Variants in HDAC4 observed in about 807,000 individuals in gnomAD.
HDAC4 encodes histone deacetylase 4.
HDAC4 carries 16 observed loss-of-function variants against 135.1 expected under a neutral mutation model. That is an observed-to-expected ratio of 0.12 (90% CI 0.08 to 0.18). The LOEUF (loss-of-function observed/expected upper bound fraction) is 0.18, where lower values mean the gene tolerates loss of function less well. HDAC4 is among the 10% of genes least tolerant of loss of function. The probability of loss-of-function intolerance (pLI) is 1.00; values close to 1 mark genes in which losing one functional copy is unlikely to be tolerated. For missense variants in HDAC4, 1,143 were observed against 1,511.8 expected (o/e 0.76, Z 4.05); for synonymous variants, 685 against 653.4 (o/e 1.05, Z -0.74).
intron 4 of HDAC4, among the ~76,000 whole-genome samples, chr2:239,182,734 C>G (rs1362031288): frequency 2.6e-5 from 4 of 152,216 alleles, no homozygotes; most frequent in African/African-American, 4.8e-5. Context: ...GCTGAGACGT[C>G]AGGCCTGTTT....
At chr2:239,252,687 C>T (rs1439937331) in intron 2 of HDAC4, among the ~76,000 whole-genome samples, 1 of 152,188 alleles carries the variant, frequency 6.6e-6, no homozygotes, top group East Asian at 1.9e-4. Flanking sequence ...AAACACTGCA[C>T]CAAACCAGAG....
intron 3 of HDAC4, among the ~76,000 whole-genome samples, chr2:239,215,038 A>G (rs1245118458): frequency 6.6e-6 from 1 of 152,222 alleles, no homozygotes; most frequent in African/African-American, 2.4e-5. Context: ...GGCAGGTGAG[A>G]TCCAGGCGGG....
rs563756835 is a variant in HDAC4, at chr2:239,346,056, AC to A, written c.22+6621del. On this transcript the variant is annotated intron_variant, in intron 2 of 26. Transcript: ENST00000543185. ...CATACACACCGTCTGAAACACACAC[AC>A]CCCCATCTCACACATGCACTCACCC... Among the ~76,000 whole-genome samples the A allele has an allele frequency of 4.0e-3, 455 of 114,790 alleles. 5 individuals carry two copies. The highest frequency in any genetic ancestry group is 0.015 in the African/African-American group (425 of 28,042). 75.3% of individuals were successfully genotyped at this position (114,790 alleles called of 152,430 possible). A position where few individuals can be genotyped will look rare whatever the true frequency, so the allele number is the denominator to read the frequency against.
chr2:239,053,586 C>T lies in HDAC4; in HGVS notation c.3104G>A (p.Cys1035Tyr), dbSNP rs1449445596. Residue 1035 changes from cysteine to tyrosine, a missense_variant, in exon 26 of 27, where the codon TGC becomes TAC. Physicochemically the swap from Cys to Tyr is radical, Grantham distance 194. This residue lies in a region of HDAC4 where 131 missense variants were observed against 130.6 expected (regional missense o/e 1.00). Transcript: ENST00000543185. ...VMEIHSKYWR[C>Y]LQRTTSTAGR... ...CGCTGTGGAGGTTGTGCGCTGCAGG[C>T]AGCGCCAGTACTTGCCTGGGGTGGT... is the stretch of plus-strand genomic sequence containing the variant. 6.2e-7 allele frequency: 1 copy of T among 1,613,798 alleles called. No homozygotes were observed. The highest frequency in any genetic ancestry group is 1.1e-5 in the South Asian group (1 of 91,068).
In HDAC4 at chr2:239,156,575, T is replaced by C. The variant is rs532544415; in HGVS notation, c.733+77A>G. The C allele has an allele frequency of 3.7e-5, 59 of 1,578,090 alleles. No individual in the cohort carries two copies. The South Asian group carries it at 4.0e-4, about 11-fold the overall frequency. On this transcript the variant is annotated intron_variant, in intron 7 of 26. Transcript: ENST00000543185. ...TCCTTCTCTAAGTGGAAGACAGCGG[T>C]GGGCCCTGCGTGGCTTGTGGCGTGG...
chr2:239,249,887 A>C (rs1461864271), intron 2 of HDAC4, among the ~76,000 whole-genome samples: 1 of 152,186 alleles, frequency 6.6e-6, no homozygotes, highest in Non-Finnish European at 1.5e-5. Flanking sequence ...AGACTCGTTT[A>C]ATGTGTCAGC....
chr2:239,108,511 G>A (rs921269062), intron 14 of HDAC4, among the ~76,000 whole-genome samples: 92 of 152,170 alleles, frequency 6.0e-4, no homozygotes, highest in Non-Finnish European at 7.4e-5. Flanking sequence ...GTCTGCCCTG[G>A]GTGGCTGGAC....
At chr2:239,336,097 A>G (rs1691914709) in intron 2 of HDAC4, among the ~76,000 whole-genome samples, 1 of 152,228 alleles carries the variant, frequency 6.6e-6, no homozygotes. Flanking sequence ...AATCTAACAT[A>G]TTGTCAAGTG....
chr2:239,298,176 CT>C (rs759031437), intron 2 of HDAC4: 12 of 1,280,764 alleles, frequency 9.4e-6, no homozygotes, highest in Non-Finnish European at 1.1e-5. Flanking sequence ...CAAACATTTG[CT>C]GACAGCAAGC....
At chr2:239,376,578 A>G (rs1404394926) in intron 1 of HDAC4, among the ~76,000 whole-genome samples, 2 of 152,200 alleles carry the variant, frequency 1.3e-5, no homozygotes, top group Non-Finnish European at 2.9e-5. Context: ...TCCTGGCCAC[A>G]CCACACACAC....
intron 1 of HDAC4, among the ~76,000 whole-genome samples, chr2:239,395,470 A>G (rs775066239): frequency 7.9e-5 from 12 of 152,238 alleles, no homozygotes; most frequent in Non-Finnish European, 8.8e-5. Context: ...ATTGCAAAGC[A>G]TATTTATCAA....
rs1003029460 is a variant in HDAC4 at position 239,400,495 on chromosome 2, G to A, written c.-220+483C>T. On this transcript the variant is annotated intron_variant, in intron 1 of 26. Transcript: ENST00000543185. This position sits in a 1 kb window ranked among gnomAD's most constrained non-coding sequence, Gnocchi z 4.7. Reference sequence around the variant, plus strand: ...GCGGCGCGGGTGGAAAGGTCCAGAAGGGGCCGGGCGGCCCTGGGGACCGGC... The same window carrying A: ...GCGGCGCGGGTGGAAAGGTCCAGAAAGGGCCGGGCGGCCCTGGGGACCGGC... 6 of 146,160 alleles carry A rather than the reference G, an allele frequency of 4.1e-5. No homozygotes were observed. Among genetic ancestry groups the A allele is most frequent in the Non-Finnish European group, 7.6e-5 (5 of 65,720 alleles). The allele number at this position is 146,160 out of a possible 1,614,324, so 9.1% of individuals were successfully genotyped here. A position where few individuals can be genotyped will look rare whatever the true frequency, so the allele number is the denominator to read the frequency against.
chr2:239,288,354 T>G (rs1268617749), intron 2 of HDAC4, among the ~76,000 whole-genome samples: 1 of 152,172 alleles, frequency 6.6e-6, no homozygotes, highest in Non-Finnish European at 1.5e-5. Flanking sequence ...CATACTTAAA[T>G]TGGGAAAAAT....
intron 3 of HDAC4, among the ~76,000 whole-genome samples, chr2:239,223,240 T>C (rs189243419): frequency 2.6e-5 from 4 of 152,242 alleles, no homozygotes; most frequent in South Asian, 2.1e-4. Context: ...ACAGTAACAG[T>C]TGAAATATTT....
intron 2 of HDAC4, among the ~76,000 whole-genome samples, chr2:239,326,405 G>A (rs370662256): frequency 2.0e-5 from 3 of 152,166 alleles, no homozygotes; most frequent in African/African-American, 7.2e-5. Flanking sequence ...GTTTCTGTTC[G>A]GGAAGATGAA....
chr2:239,105,720 C>T (rs1360791596), intron 15 of HDAC4, among the ~76,000 whole-genome samples: 2 of 152,164 alleles, frequency 1.3e-5, no homozygotes, highest in East Asian at 1.9e-4. Context: ...TTGCTGTGGC[C>T]TCCAAGTGGT....
intron 2 of HDAC4, among the ~76,000 whole-genome samples, chr2:239,247,965 C>T (rs779382135): frequency 6.6e-6 from 1 of 152,134 alleles, no homozygotes; most frequent in Admixed American, 6.5e-5. Flanking sequence ...GGCAGCATTT[C>T]GGAAGTGACC....
intron 2 of HDAC4, among the ~76,000 whole-genome samples, chr2:239,247,287 A>G (rs1400536097): frequency 6.6e-6 from 1 of 152,192 alleles, no homozygotes; most frequent in Non-Finnish European, 1.5e-5. Flanking sequence ...CGAGAATTCT[A>G]ACAAATATTA....
chr2:239,159,249 GCACCTA>G (rs1255393016), intron 6 of HDAC4, among the ~76,000 whole-genome samples: 1 of 139,548 alleles, frequency 7.2e-6, no homozygotes, highest in Non-Finnish European at 1.5e-5. Flanking sequence ...CCTGACGCTC[GCACCTA>G]CACTACTCAC....
Sources: gnomAD v4.1 joint callset for allele counts (sites outside exome capture counted in the v4.1 genomes callset) on GRCh38, gnomAD v4.1.1 for gene constraint, gnomAD v4.1.1 regional missense constraint, Gnocchi (gnomAD v3.1) non-coding constraint, MANE v1.5 for transcripts, NCBI Gene and HGNC (gene_info 2026-07-23, HGNC 2026-07-21) for gene names.